ARSG: variants seen among roughly 807,000 people sequenced by gnomAD.
The protein encoded by ARSG is arylsulfatase G.
Under a neutral mutation model 50.5 loss-of-function variants are expected in ARSG, and 37 were observed. That is an observed-to-expected ratio of 0.73 (90% CI 0.56 to 0.96). The LOEUF (loss-of-function observed/expected upper bound fraction) is 0.96. ARSG is among the 50% of genes least tolerant of loss of function. The probability of loss-of-function intolerance (pLI) is 0.00; values close to 1 mark genes in which losing one functional copy is unlikely to be tolerated. For missense variants in ARSG, 629 were observed against 675.3 expected, an observed-to-expected ratio of 0.93 and a Z score of 0.76; for synonymous variants, 225 against 254.6, an observed-to-expected ratio of 0.88 and a Z score of 1.11.
chr17:68,361,558 A>AAACAC (rs2079287074), intron 6 of ARSG, among the ~76,000 whole-genome samples: 1 of 152,004 alleles, frequency 6.6e-6, no homozygotes. Context: ...TCTCTACAAA[A>AAACAC]AACACAACAA....
At chr17:68,424,382 A>C (rs115390549), downstream of ARSG, 1,785 of 525,260 alleles carry the variant, frequency 3.4e-3, 28 homozygotes, top group African/African-American at 0.031. Context: ...TCTAAGCCAA[A>C]TGTGCTCACT....
At chr17:68,318,298 C>T (rs1249727595) in intron 2 of ARSG, among the ~76,000 whole-genome samples, 1 of 152,178 alleles carries the variant, frequency 6.6e-6, no homozygotes, top group African/African-American at 2.4e-5. Flanking sequence ...GATGATACAA[C>T]ACTAGTTTGG....
chr17:68,307,539 T>C lies in ARSG; in HGVS notation c.46T>C (p.Ser16Pro), dbSNP rs782359150. Residue 16 changes from serine to proline, a missense_variant, in exon 2 of 12, where the codon TCA becomes CCA. Physicochemically the swap from Ser to Pro is moderately conservative, Grantham distance 74. Transcript: ENST00000621439. ...LKVLLAGVSF[S>P]GFLYPLVDFC... ...GGTTTTGTTGGCGGGAGTGAGTTTCTCAGGATTTCTTTATCCTCTTGTGGA... is the reference window on the plus strand; with the variant it reads ...GGTTTTGTTGGCGGGAGTGAGTTTCCCAGGATTTCTTTATCCTCTTGTGGA... 3.1e-6 allele frequency: 5 copies of C among 1,614,072 alleles called. No individual in the cohort carries two copies. In the African/African-American group the frequency reaches 4.0e-5, roughly 13 times the overall value.
chr17:68,435,068 G>C, the ARSG span, among the ~76,000 whole-genome samples: 1 of 152,110 alleles, frequency 6.6e-6, no homozygotes, highest in South Asian at 2.1e-4. Context: ...TTAGCCAGGC[G>C]TGGCAGCATG....
rs190252857 is a variant in ARSG at position 68,351,519 on chromosome 17, G to T, written c.455-56G>T. On this transcript the variant is annotated intron_variant, in intron 4 of 11. Transcript: ENST00000621439. ...ACATTTTTGTCGTGGGTGTACAAAG[G>T]CAAGCACATGGAGTCGCAGCCACGT... 1.1e-4 allele frequency: 101 copies of T among 921,760 alleles called. 1 individual carries two copies. In the African/African-American group the frequency reaches 1.5e-3, roughly 14 times the overall value. The allele number at this position is 921,760 out of a possible 1,614,324, so 57.1% of individuals were successfully genotyped here.
chr17:68,365,041 G>A (rs984683685), intron 6 of ARSG, among the ~76,000 whole-genome samples: 2 of 152,174 alleles, frequency 1.3e-5, no homozygotes, highest in Non-Finnish European at 2.9e-5. Context: ...CGGGCGCAGT[G>A]GCTCATGCCT....
At position 68,300,476 on chromosome 17, in the gene ARSG, C is replaced by T. The variant is rs149804717; in HGVS notation, c.-551-6467C>T. Among the ~76,000 whole-genome samples the T allele has an allele frequency of 3.0e-3, 455 of 152,286 alleles. 1 individual carries two copies. The highest frequency in any genetic ancestry group is 0.01 in the African/African-American group (432 of 41,568). On this transcript the variant is annotated intron_variant, in intron 1 of 11. Coordinates refer to ENST00000621439, the MANE Select transcript of ARSG (RefSeq NM_001267727.2). ...CTTAAAAATGTGGCAAACAGGCTTCCAGTGAGCGAATTTCAGACATTGACC... is the reference window on the plus strand; with the variant it reads ...CTTAAAAATGTGGCAAACAGGCTTCTAGTGAGCGAATTTCAGACATTGACC...
the ARSG span, among the ~76,000 whole-genome samples, chr17:68,439,727 G>T: frequency 1.3e-5 from 2 of 152,196 alleles, no homozygotes; most frequent in African/African-American, 4.8e-5. Context: ...CAAGACTGAG[G>T]TCTGCTATGT....
At position 68,399,893 on chromosome 17, in the gene ARSG, A is replaced by C. The variant is rs1411160856; in HGVS notation, c.1213-1467A>C. Among the ~76,000 whole-genome samples, 1 of 152,234 alleles carries C rather than the reference A, an allele frequency of 6.6e-6. No individual in the cohort carries two copies. The highest frequency in any genetic ancestry group is 1.9e-4 in the East Asian group (1 of 5,200). On this transcript the variant is annotated intron_variant, in intron 10 of 11. Transcript: ENST00000621439. This position sits in a 1 kb window ranked among gnomAD's most constrained non-coding sequence, Gnocchi z 4.6. ...GAAACAAAACAGTCTCCTGTGGTGA[A>C]GAGGCTTGGCTTTCTGCAGGGATGG...
At chr17:68,389,180 C>T (rs906646466) in intron 9 of ARSG, among the ~76,000 whole-genome samples, 2 of 152,190 alleles carry the variant, frequency 1.3e-5, no homozygotes, top group African/African-American at 4.8e-5. Context: ...GTCCTCTCCT[C>T]CTCCCTGGAT....
intron 1 of ARSG, among the ~76,000 whole-genome samples, chr17:68,296,542 A>AG (rs797022986): frequency 4.9e-4 from 72 of 148,350 alleles, no homozygotes; most frequent in African/African-American, 1.9e-3. Flanking sequence ...AATGGTGAGG[A>AG]GGGGCCCCGC....
At chr17:68,266,971 T>C (rs1555746593) in intron 1 of ARSG, 3 of 152,204 alleles carry the variant, frequency 2.0e-5, no homozygotes, top group African/African-American at 2.4e-5. Flanking sequence ...TAACTTTAAT[T>C]GCCTCAAACA....
At chr17:68,430,143 G>A in the ARSG span, 4 of 1,613,302 alleles carry the variant, frequency 2.5e-6, no homozygotes, top group East Asian at 4.5e-5. Flanking sequence ...ACTCCAGGTC[G>A]AAGGCTCTTC....
chr17:68,338,268 G>A lies in ARSG; in HGVS notation c.219-5336G>A, dbSNP rs76918092. 8.5e-3 allele frequency among the ~76,000 whole-genome samples: 1,288 copies of A among 152,242 alleles called. 16 individuals are homozygous for A. The highest frequency in any genetic ancestry group is 0.029 in the African/African-American group (1,224 of 41,534). ...CCCACACCTGTCTTTGGATGGTTAAGCCTCAAGGTCTCTTCTCATGCCCAA... is the reference window on the plus strand; with the variant it reads ...CCCACACCTGTCTTTGGATGGTTAAACCTCAAGGTCTCTTCTCATGCCCAA... On this transcript the variant is annotated intron_variant, in intron 2 of 11. Coordinates refer to ENST00000621439, the MANE Select transcript of ARSG (RefSeq NM_001267727.2).
At chr17:68,363,091 C>G (rs1329599256) in intron 6 of ARSG, among the ~76,000 whole-genome samples, 1 of 152,088 alleles carries the variant, frequency 6.6e-6, no homozygotes, top group Non-Finnish European at 1.5e-5. Context: ...GGCTTTAATG[C>G]AGGTTGTTTG....
chr17:68,287,932 CTTCTT>C (rs1188785804), upstream of ARSG, among the ~76,000 whole-genome samples: 29 of 150,392 alleles, frequency 1.9e-4, no homozygotes, highest in African/African-American at 6.1e-4. Flanking sequence ...TTTCTCTTCT[CTTCTT>C]CTCTTCTCTC....
intron 2 of ARSG, among the ~76,000 whole-genome samples, chr17:68,336,151 G>A (rs1040331304): frequency 4.0e-5 from 6 of 151,458 alleles, no homozygotes; most frequent in African/African-American, 1.2e-4. Context: ...TGCCTGCCTC[G>A]GCCTCCCAAA....
chr17:68,305,845 G>A (rs1331075901), intron 1 of ARSG, among the ~76,000 whole-genome samples: 1 of 151,880 alleles, frequency 6.6e-6, no homozygotes, highest in Non-Finnish European at 1.5e-5. Context: ...AGGCCAAGGC[G>A]GGCAGATCAC....
At chr17:68,375,373 A>G (rs1014643422) in intron 8 of ARSG, among the ~76,000 whole-genome samples, 1 of 152,212 alleles carries the variant, frequency 6.6e-6, no homozygotes, top group Non-Finnish European at 1.5e-5. Flanking sequence ...AATTGTTAAC[A>G]GTACAAATTT....
Sources: gnomAD v4.1 joint callset for allele counts (sites outside exome capture counted in the v4.1 genomes callset) on GRCh38, gnomAD v4.1.1 for gene constraint, Gnocchi (gnomAD v3.1) non-coding constraint, MANE v1.5 for transcripts, NCBI Gene and HGNC (gene_info 2026-07-23, HGNC 2026-07-21) for gene names.